Variants in RAB6A observed in about 807,000 individuals in gnomAD.
RAB6A encodes the protein RAB6A, member RAS oncogene family.
Under a neutral mutation model 32.3 loss-of-function variants are expected in RAB6A, and 8 were observed. The ratio of observed to expected loss-of-function variants is 0.25; its 90% CI spans 0.15 to 0.45. The LOEUF is 0.45. RAB6A is among the 20% of genes least tolerant of loss of function. The pLI, the probability that RAB6A is intolerant of heterozygous loss-of-function variation, is 1.00. For synonymous variants in RAB6A, 73 were observed against 82.1 expected (o/e 0.89, Z 0.60); for missense variants, 104 against 249.4 (o/e 0.42, Z 3.93).
intron 6 of RAB6A, among the ~76,000 whole-genome samples, chr11:73,707,218 T>A (rs1427699858): frequency 6.6e-6 from 1 of 152,116 alleles, no homozygotes. Context: ...TTTGCAGTAG[T>A]TCTATCCACG....
intron 5 of RAB6A, 100 bp from the exon 6 acceptor site, chr11:73,707,613 T>TAAA (rs1181400559): frequency 1.2e-6 from 1 of 807,546 alleles, no homozygotes; most frequent in Non-Finnish European, 2.0e-6. Flanking sequence ...ATATAAGGAC[T>TAAA]GGTTATACAG....
chr11:73,691,228 G>A (rs980932892), intron 6 of RAB6A, among the ~76,000 whole-genome samples: 4 of 152,226 alleles, frequency 2.6e-5, no homozygotes, highest in Non-Finnish European at 5.9e-5. Flanking sequence ...GACTCTGGCT[G>A]TGGGGTCATC....
chr11:73,731,855 C>T (rs573566819), intron 1 of RAB6A, among the ~76,000 whole-genome samples: 79 of 150,680 alleles, frequency 5.2e-4, no homozygotes, highest in African/African-American at 1.8e-3. Context: ...GATTCTCCTG[C>T]CTCAGCCTCC....
At chr11:73,755,210 C>T (rs1385233143) in intron 1 of RAB6A, among the ~76,000 whole-genome samples, 4 of 152,124 alleles carry the variant, frequency 2.6e-5, no homozygotes, top group African/African-American at 7.2e-5. Context: ...GGATTACAAG[C>T]ATGAGCCACC....
At chr11:73,714,192 CAAAAAAA>C (rs71272251) in intron 5 of RAB6A, among the ~76,000 whole-genome samples, 2 of 66,182 alleles carry the variant, frequency 3.0e-5, no homozygotes, top group African/African-American at 1.2e-4. Flanking sequence ...AACTCCATCT[CAAAAAAA>C]AAAAAAAAAA....
At chr11:73,730,709 T>C in intron 2 of RAB6A, 56 bp downstream of exon 2, 1 of 1,370,992 alleles carries the variant, frequency 7.3e-7, no homozygotes. Flanking sequence ...AAAAATATCT[T>C]GAATATTACT....
At chr11:73,744,173 C>T (rs917672280) in intron 1 of RAB6A, among the ~76,000 whole-genome samples, 2 of 151,648 alleles carry the variant, frequency 1.3e-5, no homozygotes, top group Non-Finnish European at 2.9e-5. Context: ...CCTGTCTCTA[C>T]TAAAAATACA....
intron 6 of RAB6A, among the ~76,000 whole-genome samples, chr11:73,702,099 T>C (rs767136481): frequency 2.6e-5 from 4 of 152,244 alleles, no homozygotes; most frequent in African/African-American, 9.6e-5. Flanking sequence ...GTTGTTGTTA[T>C]AGGTTTCAAT....
intron 1 of RAB6A, among the ~76,000 whole-genome samples, chr11:73,756,079 G>C (rs956776168): frequency 6.6e-6 from 1 of 151,916 alleles, no homozygotes; most frequent in East Asian, 1.9e-4. Flanking sequence ...CTGGCCAGGC[G>C]TGGTGGCTCA....
At chr11:73,757,352 G>C (rs962762285) in intron 1 of RAB6A, among the ~76,000 whole-genome samples, 15 of 149,202 alleles carry the variant, frequency 1.0e-4, no homozygotes, top group African/African-American at 3.7e-4. Flanking sequence ...ATGGGGTGGG[G>C]GGGAGCCGGG....
intron 1 of RAB6A, among the ~76,000 whole-genome samples, chr11:73,745,580 AT>A (rs1565378132): frequency 6.6e-6 from 1 of 152,154 alleles, no homozygotes; most frequent in African/African-American, 2.4e-5. Flanking sequence ...CCTTGTCTCT[AT>A]TAAAAATTCA....
At chr11:73,707,393 C>G (rs909112318) in intron 6 of RAB6A, 27 bp downstream of exon 6, 1 of 1,508,016 alleles carries the variant, frequency 6.6e-7, no homozygotes, top group Non-Finnish European at 9.2e-7. Context: ...CATATTTTTT[C>G]AATTTGGTAA....
chr11:73,743,166 C>A (rs1372673794), intron 1 of RAB6A, among the ~76,000 whole-genome samples: 2 of 151,792 alleles, frequency 1.3e-5, no homozygotes, highest in African/African-American at 2.4e-5. Context: ...TTAGCCAGAT[C>A]TTGTGGTGGG....
intron 6 of RAB6A, among the ~76,000 whole-genome samples, chr11:73,684,925 G>A (rs1177909241): frequency 6.6e-6 from 1 of 152,198 alleles, no homozygotes; most frequent in East Asian, 1.9e-4. Flanking sequence ...CATCCTGTGG[G>A]TAAAGGAAGC....
At chr11:73,739,668 A>G (rs572546883) in intron 1 of RAB6A, among the ~76,000 whole-genome samples, 17 of 152,146 alleles carry the variant, frequency 1.1e-4, no homozygotes, top group South Asian at 8.3e-4. Context: ...AATTTAAAAG[A>G]TAAGTTTTAT....
intron 5 of RAB6A, among the ~76,000 whole-genome samples, chr11:73,714,205 A>AT (rs1256971210): frequency 2.3e-3 from 142 of 62,860 alleles, no homozygotes; most frequent in African/African-American, 5.5e-3. Flanking sequence ...AAAAAAAAAA[A>AT]AAAAATATAT....
At chr11:73,718,927 C>A (rs773416837) in intron 3 of RAB6A, 711 of 1,268,772 alleles carry the variant, frequency 5.6e-4, no homozygotes, top group Non-Finnish European at 7.0e-4. Context: ...AAAAAAAAAA[C>A]CAAACTAATA....
Position 73,685,286 on chromosome 11 carries a change from CTTTTTTTTTT to C in RAB6A, c.496-5576_496-5567del, listed in dbSNP as rs750488240. ...AGTACTGACCTGCTATATAGAAAGTCTTTTTTTTTTTTTTTTTTTTGAGACGGAGTCTCGC... is the reference window on the plus strand; with the variant it reads ...AGTACTGACCTGCTATATAGAAAGTCTTTTTTTTTTGAGACGGAGTCTCGC... On this transcript the variant is annotated intron_variant, in intron 6 of 7. Transcript: ENST00000336083. Among the ~76,000 whole-genome samples the C allele has an allele frequency of 6.0e-5, 7 of 117,244 alleles. No individual in the cohort carries two copies. The South Asian group carries it at 1.2e-3, about 19-fold the overall frequency. 76.9% of individuals were successfully genotyped at this position (117,244 alleles called of 152,430 possible).
intron 2 of RAB6A, among the ~76,000 whole-genome samples, chr11:73,727,421 A>G (rs991095103): frequency 7.2e-6 from 1 of 138,924 alleles, no homozygotes; most frequent in Non-Finnish European, 1.6e-5. Context: ...GCAATACTCT[A>G]TCTCTTGGAA....
Sources: gnomAD v4.1 joint callset for allele counts (sites outside exome capture counted in the v4.1 genomes callset) on GRCh38, gnomAD v4.1.1 for gene constraint, MANE v1.5 for transcripts, NCBI Gene and HGNC (gene_info 2026-07-23, HGNC 2026-07-21) for gene names.